Variants in PDXDC1 observed in about 807,000 individuals in gnomAD.
PDXDC1 encodes the protein pyridoxal dependent decarboxylase domain containing 1, also known as pyridoxal-dependent decarboxylase domain-containing protein 1.
A neutral mutation model predicts 100.1 loss-of-function variants in PDXDC1; 42 were observed. The observed-to-expected ratio is 0.42, with a 90% confidence interval of 0.33 to 0.54. The LOEUF (loss-of-function observed/expected upper bound fraction) is 0.54. PDXDC1 is among the 20% of genes least tolerant of loss of function. The probability of loss-of-function intolerance (pLI) is 0.10; values close to 1 mark genes in which losing one functional copy is unlikely to be tolerated. For missense variants in PDXDC1, 636 were observed against 979.2 expected, an observed-to-expected ratio of 0.65 and a Z score of 4.68; for synonymous variants, 260 against 371.7, an observed-to-expected ratio of 0.70 and a Z score of 3.46.
chr16:15,131,445 G>T, intron 16 of PDXDC1: 2 of 1,608,300 alleles, frequency 1.2e-6, no homozygotes, highest in Admixed American at 1.7e-5. Context: ...AAGCCTAGGG[G>T]ATGGAGAAGT....
At chr16:15,119,384 T>C (rs1291980418) in intron 16 of PDXDC1, among the ~76,000 whole-genome samples, 4 of 144,254 alleles carry the variant, frequency 2.8e-5, no homozygotes, top group Non-Finnish European at 6.1e-5. Context: ...ACACTAACAA[T>C]AGCTGATGAT....
chr16:15,133,875 G>C, intron 16 of PDXDC1: 2 of 1,522,692 alleles, frequency 1.3e-6, no homozygotes, highest in East Asian at 2.3e-5. Context: ...CCCCAGCGGC[G>C]GGCGGTTGGG....
intron 16 of PDXDC1, among the ~76,000 whole-genome samples, chr16:15,062,241 T>G (rs1042940737): frequency 6.6e-6 from 1 of 152,176 alleles, no homozygotes; most frequent in Non-Finnish European, 1.5e-5. Flanking sequence ...TTGTAATCAT[T>G]TGTTTCAAGT....
At chr16:15,030,406 C>CACCCTGTCCACAGCCCCCACACAGACTCG (rs1454234355) in intron 16 of PDXDC1, among the ~76,000 whole-genome samples, 460 of 151,370 alleles carry the variant, frequency 3.0e-3, no homozygotes, top group Middle Eastern at 6.8e-3. Flanking sequence ...ATTAGCCAGG[C>CACCCTGTCCACAGCCCCCACACAGACTCG]ATGGTGGTAC....
chr16:15,128,034 C>T (rs774670271), intron 16 of PDXDC1: 24 of 1,600,636 alleles, frequency 1.5e-5, no homozygotes, highest in Non-Finnish European at 2.0e-5. Flanking sequence ...CCGTTGGCCT[C>T]CGTCTCCACC....
chr16:15,131,084 C>T lies in PDXDC1; in HGVS notation c.1400-7795C>T, dbSNP rs776482704. On this transcript the variant is annotated intron_variant, in intron 16 of 16. Transcript: ENST00000535621. ...CCGCGTGTGCCTCACCCGCTGCACG[C>T]ACCGTCCAGCAGCGTATAGTTGAGC... is the stretch of plus-strand genomic sequence containing the variant. 2.5e-6 allele frequency: 4 copies of T among 1,605,812 alleles called. No homozygotes were observed. In the African/African-American group the frequency reaches 5.4e-5, roughly 21 times the overall value.
chr16:15,084,680 A>C, intron 16 of PDXDC1: 2 of 1,613,186 alleles, frequency 1.2e-6, no homozygotes, highest in Non-Finnish European at 1.7e-6. Flanking sequence ...AGGCTCTGTG[A>C]CATGTGTCAA....
Position 15,073,084 on chromosome 16 carries a change from T to C in PDXDC1, c.1399+43028T>C, listed in dbSNP as rs763037172. 4 of 1,602,682 alleles carry C rather than the reference T, an allele frequency of 2.5e-6. No individual in the cohort carries two copies. The South Asian group carries it at 4.5e-5, about 18-fold the overall frequency. On this transcript the variant is annotated intron_variant, in intron 16 of 16. Coordinates refer to the PDXDC1 transcript ENST00000535621. ...GTTTTGCCGTTATCAACCTTACCTATGGAGAAAATCTGGCATCTCAGTTTT... is the reference window on the plus strand; with the variant it reads ...GTTTTGCCGTTATCAACCTTACCTACGGAGAAAATCTGGCATCTCAGTTTT...
chr16:15,052,230 C>G (rs2044321430), intron 16 of PDXDC1, among the ~76,000 whole-genome samples: 1 of 152,126 alleles, frequency 6.6e-6, no homozygotes, highest in South Asian at 2.1e-4. Flanking sequence ...GGCTGTGTTC[C>G]AATAAAACTT....
chr16:15,066,312 C>G (rs2044970908), intron 16 of PDXDC1, among the ~76,000 whole-genome samples: 1 of 152,278 alleles, frequency 6.6e-6, no homozygotes, highest in South Asian at 2.1e-4. Context: ...TGTGCCCACA[C>G]ACAAGAATGT....
At chr16:15,060,826 CT>C in intron 16 of PDXDC1, 1 of 152,346 alleles carries the variant, frequency 6.6e-6, no homozygotes, top group East Asian at 1.9e-4. Context: ...AAAAATTTTC[CT>C]GTTTCCAACA....
chr16:15,020,667 C>T lies in PDXDC1; in HGVS notation c.1089+1702C>T, dbSNP rs1434844140. ...TTGCGCCACTGCACTCCAGCCAGAG[C>T]GAAACTCAGTCTTTTAAAAAAAGAA... is the stretch of plus-strand genomic sequence containing the variant. On this transcript the variant is annotated intron_variant, in intron 12 of 22. Coordinates refer to ENST00000396410, the MANE Select transcript of PDXDC1 (RefSeq NM_015027.4). Among the ~76,000 whole-genome samples, 13 of 151,872 alleles carry T rather than the reference C, an allele frequency of 8.6e-5. No homozygotes were observed. In the East Asian group the frequency reaches 1.4e-3, roughly 16 times the overall value.
chr16:15,059,343 T>G (rs2044632334), intron 16 of PDXDC1, among the ~76,000 whole-genome samples: 1 of 152,010 alleles, frequency 6.6e-6, no homozygotes. Context: ...ACCAGGGAGG[T>G]AGGTATTATG....
At chr16:15,125,737 G>C in intron 16 of PDXDC1, 1 of 1,487,752 alleles carries the variant, frequency 6.7e-7, no homozygotes, top group East Asian at 2.3e-5. Flanking sequence ...GTCCAGCACG[G>C]ACGAGTCCAG....
chr16:15,146,514 C>T, the PDXDC1 span, among the ~76,000 whole-genome samples: 1 of 152,258 alleles, frequency 6.6e-6, no homozygotes, highest in South Asian at 2.1e-4. Context: ...CAAAAGGCAC[C>T]AATGGGCAAA....
intron 16 of PDXDC1, among the ~76,000 whole-genome samples, chr16:15,043,644 T>G (rs1388065425): frequency 6.6e-6 from 1 of 152,184 alleles, no homozygotes; most frequent in East Asian, 1.9e-4. Flanking sequence ...CTTTCTTTCT[T>G]TTTTGAAAAT....
chr16:15,061,726 A>G (rs757775613), intron 16 of PDXDC1: 9 of 1,599,258 alleles, frequency 5.6e-6, no homozygotes, highest in Non-Finnish European at 7.7e-6. Context: ...GTCACATCTC[A>G]GTCACAAATT....
intron 16 of PDXDC1, among the ~76,000 whole-genome samples, chr16:15,081,274 A>C (rs2045692546): frequency 6.6e-6 from 1 of 152,200 alleles, no homozygotes; most frequent in Non-Finnish European, 1.5e-5. Flanking sequence ...TCTACATTTA[A>C]CCTTGAAGAA....
At chr16:15,044,442 G>A (rs757598305) in intron 16 of PDXDC1, 9 of 1,380,780 alleles carry the variant, frequency 6.5e-6, no homozygotes, top group Non-Finnish European at 9.3e-6. Context: ...GAGGCCAGAA[G>A]AAGACACCGG....
Sources: gnomAD v4.1 joint callset for allele counts (sites outside exome capture counted in the v4.1 genomes callset) on GRCh38, gnomAD v4.1.1 for gene constraint, MANE v1.5 for transcripts, NCBI Gene and HGNC (gene_info 2026-07-23, HGNC 2026-07-21) for gene names.